Variants in WDTC1 observed in about 807,000 individuals in gnomAD.
WDTC1 encodes the protein WD and tetratricopeptide repeats 1.
WDTC1 carries 12 observed loss-of-function variants against 76.0 expected under a neutral mutation model. The ratio of observed to expected loss-of-function variants is 0.16; its 90% confidence interval spans 0.10 to 0.26. The LOEUF (loss-of-function observed/expected upper bound fraction) is 0.26. Among genes scored for constraint, WDTC1 ranks in the 10% least tolerant of loss-of-function variants. The pLI is 1.00. For missense variants in WDTC1, 511 were observed against 908.8 expected (o/e 0.56, Z 5.63); for synonymous variants, 326 against 350.8 (o/e 0.93, Z 0.79).
intron 12 of WDTC1, among the ~76,000 whole-genome samples, chr1:27,300,227 G>C (rs1419519202): frequency 6.6e-6 from 1 of 152,134 alleles, no homozygotes; most frequent in African/African-American, 2.4e-5. Flanking sequence ...TAGCCATGCC[G>C]GATTGTTGTG....
intron 3 of WDTC1, among the ~76,000 whole-genome samples, chr1:27,265,817 T>A (rs2012644702): frequency 6.6e-6 from 1 of 151,924 alleles, no homozygotes; most frequent in African/African-American, 2.4e-5. Flanking sequence ...CATGGTGGTG[T>A]GTGCCTGTAA....
In WDTC1 at chr1:27,287,888, C is replaced by A. The variant is rs745690134; in HGVS notation, c.479+27C>A. On this transcript the variant is annotated intron_variant, in intron 6 of 15. Transcript: ENST00000319394. ...TAAGAGTCTGGGGCATCTAGTGGAG[C>A]CTGTCGCTCCCCCATCCCATCATCC... 1.0e-5 allele frequency: 16 copies of A among 1,599,752 alleles called. No individual in the cohort carries two copies. In the African/African-American group the frequency reaches 1.5e-4, roughly 15 times the overall value.
chr1:27,247,517 CCTT>C (rs2011883554), intron 1 of WDTC1, among the ~76,000 whole-genome samples: 1 of 152,046 alleles, frequency 6.6e-6, no homozygotes. Context: ...TCTGTTGTTC[CCTT>C]CTTTGTGTCC....
Position 27,292,896 on chromosome 1 carries a change from C to T in WDTC1, c.662+499C>T, listed in dbSNP as rs2013576771. Among the ~76,000 whole-genome samples the T allele has an allele frequency of 2.0e-5, 3 of 149,946 alleles. No individual in the cohort carries two copies. The South Asian group carries it at 6.3e-4, about 32-fold the overall frequency. On this transcript the variant is annotated intron_variant, in intron 7 of 15. Transcript: ENST00000319394. ...CCTGCCGAGTAGCTGGGATTACAGG[C>T]ACCTGCCACCACACCTGGCTAATTT...
intron 1 of WDTC1, among the ~76,000 whole-genome samples, chr1:27,258,330 C>T (rs1477574122): frequency 6.6e-6 from 1 of 151,116 alleles, no homozygotes; most frequent in Non-Finnish European, 1.5e-5. Flanking sequence ...GTCGGGAGTT[C>T]GAGACCAGCC....
chr1:27,279,463 G>A (rs900650892), intron 3 of WDTC1, among the ~76,000 whole-genome samples: 3 of 152,138 alleles, frequency 2.0e-5, no homozygotes, highest in Admixed American at 6.5e-5. Flanking sequence ...GCTGGAGCCC[G>A]ACCAGAAATA....
intron 13 of WDTC1, among the ~76,000 whole-genome samples, chr1:27,302,637 C>G (rs190650884): frequency 6.6e-6 from 1 of 151,962 alleles, no homozygotes; most frequent in Non-Finnish European, 1.5e-5. Context: ...GCTCCTCGGG[C>G]AGCTGAGGCA....
At position 27,306,084 on chromosome 1, in the gene WDTC1, A is replaced by G; in HGVS notation, c.1837-102A>G. The G allele has an allele frequency of 2.3e-6, 3 of 1,296,680 alleles. No homozygotes were observed. The highest frequency in any genetic ancestry group is 3.3e-6 in the Non-Finnish European group (3 of 922,462). The allele number at this position is 1,296,680 out of a possible 1,614,324, so 80.3% of individuals were successfully genotyped here. On this transcript the variant is annotated intron_variant, in intron 15 of 15. Transcript: ENST00000319394. This position sits in a 1 kb window ranked among gnomAD's most constrained non-coding sequence, Gnocchi z 5.0. ...GGCATGTATGTGTACCTCCCCCTAT[A>G]GATAGTTTAGTCTGTGTATTTCCCT...
intron 3 of WDTC1, among the ~76,000 whole-genome samples, chr1:27,265,957 A>AG (rs1443238758): frequency 6.6e-6 from 1 of 152,158 alleles, no homozygotes; most frequent in Non-Finnish European, 1.5e-5. Context: ...TCAGAAAAAA[A>AG]AAATTGTTTT....
intron 3 of WDTC1, among the ~76,000 whole-genome samples, chr1:27,269,096 T>C (rs1293585317): frequency 7.5e-6 from 1 of 132,710 alleles, no homozygotes; most frequent in African/African-American, 2.9e-5. Context: ...GAGGCTGAGA[T>C]GAGAGGATGG....
chr1:27,293,777 G>A (rs1263138851), intron 7 of WDTC1, among the ~76,000 whole-genome samples: 1 of 152,108 alleles, frequency 6.6e-6, no homozygotes, highest in Non-Finnish European at 1.5e-5. Context: ...TTGCTTGTTT[G>A]TAAAATGGGA....
chr1:27,268,956 C>A (rs1570958343), intron 3 of WDTC1, among the ~76,000 whole-genome samples: 1 of 142,616 alleles, frequency 7.0e-6, no homozygotes, highest in Admixed American at 7.0e-5. Flanking sequence ...CTCAGGTGGT[C>A]CACCCTCCTC....
In WDTC1 at chr1:27,303,093, C is replaced by T. The variant is rs576938839; in HGVS notation, c.1469-528C>T. On this transcript the variant is annotated intron_variant, in intron 13 of 15. Transcript: ENST00000319394. The surrounding 1 kb of genome is among the most constrained non-coding windows in gnomAD (Gnocchi z 4.8). ...TTTGAGACCAGCCTGGCCAATGTGG[C>T]GAAACCCCGTCTCTACTAAAAATAC... Among the ~76,000 whole-genome samples, 46 of 151,910 alleles carry T rather than the reference C, an allele frequency of 3.0e-4. No individual in the cohort carries two copies. The highest frequency in any genetic ancestry group is 4.7e-4 in the Non-Finnish European group (32 of 67,960).
At position 27,296,420 on chromosome 1, in the gene WDTC1, T is replaced by G; in HGVS notation, c.949+19T>G. ...TCGGGGGGTAAGTTCTCCCTTAGGG[T>G]ATCTCTACTGCGGCGGTGTAGGGGA... On this transcript the variant is annotated intron_variant, in intron 10 of 15. Coordinates refer to ENST00000319394, the MANE Select transcript of WDTC1 (RefSeq NM_001276252.2). 6.2e-7 allele frequency: 1 copy of G among 1,613,566 alleles called. No homozygotes were observed. Among genetic ancestry groups the G allele is most frequent in the Non-Finnish European group, 8.5e-7 (1 of 1,179,588 alleles).
chr1:27,263,945 C>G (rs1249435207), intron 3 of WDTC1, among the ~76,000 whole-genome samples: 1 of 151,678 alleles, frequency 6.6e-6, no homozygotes, highest in East Asian at 1.9e-4. Context: ...AACACACACA[C>G]TTTCTTATTT....
chr1:27,235,155 T>G (rs1216493272), intron 1 of WDTC1, among the ~76,000 whole-genome samples: 3 of 128,962 alleles, frequency 2.3e-5, no homozygotes, highest in Non-Finnish European at 3.5e-5. Flanking sequence ...GGGGGCGGGG[T>G]GGGGGCGGAG....
intron 6 of WDTC1, 32 bp downstream of exon 6, chr1:27,287,893 C>A: frequency 6.3e-7 from 1 of 1,596,346 alleles, no homozygotes; most frequent in South Asian, 1.1e-5. Context: ...TGGAGCCTGT[C>A]GCTCCCCCAT....
chr1:27,275,611 C>CT (rs2012999540), intron 3 of WDTC1, among the ~76,000 whole-genome samples: 1 of 147,116 alleles, frequency 6.8e-6, no homozygotes, highest in Non-Finnish European at 1.5e-5. Context: ...GAGTGAGACT[C>CT]TGTCTCAAAA....
At chr1:27,298,402 T>C (rs2013746908) in intron 12 of WDTC1, among the ~76,000 whole-genome samples, 1 of 152,158 alleles carries the variant, frequency 6.6e-6, no homozygotes. Flanking sequence ...CTGTGGCCCC[T>C]GGGGAAGTAT....
Sources: gnomAD v4.1 joint callset for allele counts (sites outside exome capture counted in the v4.1 genomes callset) on GRCh38, gnomAD v4.1.1 for gene constraint, Gnocchi (gnomAD v3.1) non-coding constraint, MANE v1.5 for transcripts, NCBI Gene and HGNC (gene_info 2026-07-23, HGNC 2026-07-21) for gene names.